PLCB1: variants seen among roughly 807,000 people sequenced by gnomAD.
The protein encoded by PLCB1 is 1-phosphatidylinositol 4,5-bisphosphate phosphodiesterase beta-1.
Under a neutral mutation model 161.8 loss-of-function variants are expected in PLCB1, and 46 were observed. The ratio of observed to expected loss-of-function variants is 0.28; its 90% CI spans 0.22 to 0.36. PLCB1 has a LOEUF of 0.36. Among genes scored for constraint, PLCB1 ranks in the 10% least tolerant of loss-of-function variants. The pLI, the probability that PLCB1 is intolerant of heterozygous loss-of-function variation, is 1.00. For synonymous variants in PLCB1, 517 were observed against 503.7 expected, an observed-to-expected ratio of 1.03 and a Z score of -0.35; for missense variants, 1,016 against 1,472.5, an observed-to-expected ratio of 0.69 and a Z score of 5.07.
chr20:8,331,387 G>A (rs16994662), intron 2 of PLCB1, among the ~76,000 whole-genome samples: 3,587 of 152,042 alleles, frequency 0.024, 67 homozygotes, highest in South Asian at 0.064. Context: ...CGGGAGAAGG[G>A]CATTATCCAA....
intron 24 of PLCB1, 30 bp downstream of exon 24, chr20:8,757,208 T>C (rs1197402874): frequency 6.3e-7 from 1 of 1,583,444 alleles, no homozygotes; most frequent in Middle Eastern, 1.7e-4. Context: ...CTGGACAACA[T>C]GAGCAAGATC....
At chr20:8,480,057 C>A (rs1020196553) in intron 3 of PLCB1, among the ~76,000 whole-genome samples, 6 of 152,082 alleles carry the variant, frequency 3.9e-5, no homozygotes, top group African/African-American at 1.4e-4. Context: ...GAGAAATTGG[C>A]TAGGCCAGGA....
intron 31 of PLCB1, among the ~76,000 whole-genome samples, chr20:8,856,963 A>G (rs1987089024): frequency 6.6e-6 from 1 of 152,188 alleles, no homozygotes; most frequent in South Asian, 2.1e-4. Flanking sequence ...AGTTGTTCTC[A>G]CTTATGTGTC....
intron 3 of PLCB1, among the ~76,000 whole-genome samples, chr20:8,395,193 C>A (rs1600371595): frequency 6.6e-6 from 1 of 152,038 alleles, no homozygotes; most frequent in African/African-American, 2.4e-5. Flanking sequence ...GGAAATTGAA[C>A]ACCTATTGAC....
chr20:8,264,888 C>T (rs1475685256), intron 2 of PLCB1, among the ~76,000 whole-genome samples: 1 of 152,172 alleles, frequency 6.6e-6, no homozygotes, highest in Non-Finnish European at 1.5e-5. Flanking sequence ...TTTCCTCCTA[C>T]TGCCCTGGGG....
At chr20:8,162,780 T>C (rs1358831702) in intron 2 of PLCB1, among the ~76,000 whole-genome samples, 1 of 152,246 alleles carries the variant, frequency 6.6e-6, no homozygotes, top group Non-Finnish European at 1.5e-5. Context: ...GTTGCTATGC[T>C]AAGAAACTAA....
intron 2 of PLCB1, among the ~76,000 whole-genome samples, chr20:8,293,476 T>C (rs1386276895): frequency 6.6e-6 from 1 of 152,082 alleles, no homozygotes; most frequent in African/African-American, 2.4e-5. Flanking sequence ...TTAACAAAAT[T>C]AATAACTTTT....
intron 3 of PLCB1, among the ~76,000 whole-genome samples, chr20:8,616,045 A>G (rs1001358897): frequency 6.6e-6 from 1 of 152,138 alleles, no homozygotes; most frequent in African/African-American, 2.4e-5. Context: ...TGACACCTCC[A>G]TTTCTTCAAC....
chr20:8,242,574 G>A (rs558512077), intron 2 of PLCB1, among the ~76,000 whole-genome samples: 4 of 152,090 alleles, frequency 2.6e-5, no homozygotes, highest in African/African-American at 7.2e-5. Flanking sequence ...AGTTGAAAGG[G>A]TGGAGAGGCT....
rs141777826 is a variant in PLCB1 at position 8,318,854 on chromosome 20, A to T, written c.178-52528A>T. ...GTCAGAGAATAAAATCCTTAAAAAT[A>T]ATGATTTATAATCTATTAAGTGTCA... On this transcript the variant is annotated intron_variant, in intron 2 of 31. Transcript: ENST00000338037. 2.9e-3 allele frequency among the ~76,000 whole-genome samples: 437 copies of T among 152,318 alleles called. 3 individuals carry two copies. The highest frequency in any genetic ancestry group is 3.3e-3 in the Non-Finnish European group (222 of 68,012).
intron 3 of PLCB1, among the ~76,000 whole-genome samples, chr20:8,492,517 T>C (rs1982989590): frequency 6.6e-6 from 1 of 151,772 alleles, no homozygotes; most frequent in Non-Finnish European, 1.5e-5. Flanking sequence ...CATGGCATAA[T>C]GCTAAATAAT....
intron 2 of PLCB1, among the ~76,000 whole-genome samples, chr20:8,250,406 A>G (rs2123221617): frequency 6.6e-6 from 1 of 151,920 alleles, no homozygotes; most frequent in South Asian, 2.1e-4. Flanking sequence ...TTTCGCATCT[A>G]TTTTACTTTA....
chr20:8,293,023 G>T (rs1983458971), intron 2 of PLCB1, among the ~76,000 whole-genome samples: 1 of 151,998 alleles, frequency 6.6e-6, no homozygotes, highest in Admixed American at 6.6e-5. Context: ...TTGACACTGT[G>T]GTTGCAAAAA....
intron 3 of PLCB1, among the ~76,000 whole-genome samples, chr20:8,543,839 T>C (rs930829907): frequency 6.6e-6 from 1 of 152,110 alleles, no homozygotes; most frequent in South Asian, 2.1e-4. Flanking sequence ...ATTCTCATTC[T>C]CGCTCCTGCT....
At chr20:8,662,430 T>G (rs1600234304) in intron 9 of PLCB1, among the ~76,000 whole-genome samples, 1 of 120,444 alleles carries the variant, frequency 8.3e-6, no homozygotes. Context: ...AATTATTTAT[T>G]ATATAATTAT....
At chr20:8,645,705 A>G (rs1417422544) in intron 4 of PLCB1, among the ~76,000 whole-genome samples, 2 of 152,242 alleles carry the variant, frequency 1.3e-5, no homozygotes, top group Non-Finnish European at 2.9e-5. Flanking sequence ...TGGCATGAGT[A>G]GTAGAGCAGG....
At chr20:8,714,195 G>A (rs149997133) in intron 12 of PLCB1, among the ~76,000 whole-genome samples, 3 of 152,156 alleles carry the variant, frequency 2.0e-5, no homozygotes, top group South Asian at 2.1e-4. Context: ...CCACTGTCCC[G>A]GAGTCTCTGA....
intron 3 of PLCB1, among the ~76,000 whole-genome samples, chr20:8,486,758 G>A (rs1982748889): frequency 6.6e-6 from 1 of 151,298 alleles, no homozygotes; most frequent in Non-Finnish European, 1.5e-5. Flanking sequence ...GCCTCCCAAA[G>A]TGCTGGGATT....
At chr20:8,516,402 C>A (rs1456726642) in intron 3 of PLCB1, among the ~76,000 whole-genome samples, 1 of 152,074 alleles carries the variant, frequency 6.6e-6, no homozygotes, top group East Asian at 1.9e-4. Flanking sequence ...CAAAGCAAGT[C>A]ACATGGCCAA....
Sources: allele counts gnomAD v4.1 joint callset (sites outside exome capture counted in the v4.1 genomes callset), GRCh38; gene constraint gnomAD v4.1.1; transcripts MANE v1.5; gene names NCBI Gene and HGNC (gene_info 2026-07-23, HGNC 2026-07-21).